Variants in AK9 observed in about 807,000 individuals in gnomAD.
The protein encoded by AK9 is adenylate kinase domain containing 1.
In AK9, 191 loss-of-function variants were observed where a neutral mutation model predicts 239.6. That is an observed-to-expected ratio of 0.80 (90% confidence interval 0.71 to 0.90). AK9 has a LOEUF of 0.90. Among genes scored for constraint, AK9 ranks in the 40% least tolerant of loss-of-function variants. The pLI, the probability that AK9 is intolerant of heterozygous loss-of-function variation, is 0.00. For synonymous variants in AK9, 689 were observed against 721.0 expected, an observed-to-expected ratio of 0.96 and a Z score of 0.71; for missense variants, 1,995 against 2,214.7, an observed-to-expected ratio of 0.90 and a Z score of 1.99.
chr6:109,593,561 CA>C (rs1001917100), intron 17 of AK9, among the ~76,000 whole-genome samples: 8 of 151,438 alleles, frequency 5.3e-5, no homozygotes, highest in East Asian at 3.9e-4. Flanking sequence ...GACGTAACAA[CA>C]AAAAAAAATT....
At chr6:109,524,202 A>G (rs1780173549) in intron 29 of AK9, among the ~76,000 whole-genome samples, 1 of 152,172 alleles carries the variant, frequency 6.6e-6, no homozygotes, top group Non-Finnish European at 1.5e-5. Flanking sequence ...TGGAAATTTT[A>G]GAACTAAAAA....
In AK9 at chr6:109,614,295, C is replaced by T; in HGVS notation, c.1497G>A (p.Gly499=). ...EATHSSIDEE[G]YIQGSQRDRG... ...TGTCCCTTTGGGAGCCTTGAATGTACCCTGCAATGAAAGAATAATATACTT... is the reference window on the plus strand; with the variant it reads ...TGTCCCTTTGGGAGCCTTGAATGTATCCTGCAATGAAAGAATAATATACTT... Residue 499 remains glycine, a splice_region_variant and synonymous_variant, in exon 15 of 41, where the codon GGG becomes GGA. Transcript: ENST00000424296. 3 of 1,551,162 alleles carry T rather than the reference C, an allele frequency of 1.9e-6. No individual in the cohort carries two copies. The highest frequency in any genetic ancestry group is 2.6e-6 in the Non-Finnish European group (3 of 1,146,588).
intron 13 of AK9, among the ~76,000 whole-genome samples, chr6:109,614,894 T>G (rs1445515330): frequency 6.6e-6 from 1 of 152,234 alleles, no homozygotes; most frequent in Non-Finnish European, 1.5e-5. Context: ...TTTAAAATTT[T>G]AAGTAGAGTT....
chr6:109,521,743 G>A (rs754141567), intron 29 of AK9, among the ~76,000 whole-genome samples: 6 of 152,026 alleles, frequency 3.9e-5, no homozygotes, highest in Non-Finnish European at 5.9e-5. Flanking sequence ...CAAGAAACAT[G>A]CACTATTCTA....
chr6:109,519,900 C>G (rs1409842350), intron 29 of AK9, among the ~76,000 whole-genome samples: 3 of 151,552 alleles, frequency 2.0e-5, no homozygotes, highest in Non-Finnish European at 4.4e-5. Context: ...TGTATGTCTT[C>G]TTTTGAAAAG....
At chr6:109,664,001 C>T (rs1020272828) in intron 5 of AK9, among the ~76,000 whole-genome samples, 2 of 152,150 alleles carry the variant, frequency 1.3e-5, no homozygotes, top group African/African-American at 4.8e-5. Flanking sequence ...GTGTGAGAAT[C>T]CAGCTTTCTC....
At chr6:109,634,518 G>C (rs1392971069) in intron 10 of AK9, among the ~76,000 whole-genome samples, 1 of 152,304 alleles carries the variant, frequency 6.6e-6, no homozygotes, top group Non-Finnish European at 1.5e-5. Flanking sequence ...CATGATATAT[G>C]CTTGCTTCAG....
In AK9 at chr6:109,497,396, C is replaced by T. The variant is rs979861545; in HGVS notation, c.5315+69G>A. On this transcript the variant is annotated intron_variant, in intron 38 of 40. Transcript: ENST00000424296. ...CTCTCTCTCTCTCTCACACACTCCT[C>T]TCCCCCGTTCCCAGCATGTTGCATG... 11 of 913,054 alleles carry T rather than the reference C, an allele frequency of 1.2e-5. No homozygotes were observed. The African/African-American group carries it at 1.7e-4, about 14-fold the overall frequency. 56.6% of individuals were successfully genotyped at this position (913,054 alleles called of 1,614,324 possible).
chr6:109,589,108 G>A (rs1789891896), intron 17 of AK9, among the ~76,000 whole-genome samples: 1 of 151,968 alleles, frequency 6.6e-6, no homozygotes, highest in South Asian at 2.1e-4. Context: ...TTCTAATTCT[G>A]TGAAGAATGA....
At chr6:109,586,148 T>C in intron 17 of AK9, 76 bp from the exon 18 acceptor site, 1 of 1,257,802 alleles carries the variant, frequency 8.0e-7, no homozygotes, top group South Asian at 1.9e-5. Context: ...GTAATTTTTG[T>C]GGATCTTAAA....
chr6:109,670,868 A>G (rs1312891797), intron 5 of AK9, among the ~76,000 whole-genome samples: 1 of 152,174 alleles, frequency 6.6e-6, no homozygotes, highest in Non-Finnish European at 1.5e-5. Flanking sequence ...CTGCTGAACA[A>G]ATAGGTAATA....
At chr6:109,579,285 G>A (rs1156378987) in intron 20 of AK9, 1 of 333,210 alleles carries the variant, frequency 3.0e-6, no homozygotes, top group East Asian at 5.4e-5. Context: ...TGTATCACTT[G>A]CAGAGGGTGT....
At chr6:109,562,104 T>C (rs77047606) in intron 24 of AK9, among the ~76,000 whole-genome samples, 4,381 of 152,284 alleles carry the variant, frequency 0.029, 100 homozygotes, top group East Asian at 0.11. Flanking sequence ...TGTGCAAATA[T>C]TCAAGAATCT....
chr6:109,685,089 G>A (rs1263943554), intron 1 of AK9, among the ~76,000 whole-genome samples: 1 of 152,024 alleles, frequency 6.6e-6, no homozygotes, highest in Non-Finnish European at 1.5e-5. Context: ...ACAGATGCTG[G>A]AGGGGATGTG....
At chr6:109,500,488 G>T (rs1247838897) in intron 35 of AK9, among the ~76,000 whole-genome samples, 2 of 152,166 alleles carry the variant, frequency 1.3e-5, no homozygotes, top group Non-Finnish European at 2.9e-5. Context: ...ATTATAGCCA[G>T]TACGTTTTGT....
At chr6:109,529,724 A>C (rs1582858992) in intron 28 of AK9, among the ~76,000 whole-genome samples, 1 of 152,172 alleles carries the variant, frequency 6.6e-6, no homozygotes, top group African/African-American at 2.4e-5. Context: ...TTAGATTCTC[A>C]TGAGTGTGCA....
chr6:109,535,132 G>T (rs1781805718), intron 27 of AK9, among the ~76,000 whole-genome samples: 1 of 152,182 alleles, frequency 6.6e-6, no homozygotes, highest in Non-Finnish European at 1.5e-5. Flanking sequence ...GTAATGGGAT[G>T]GCTGGGTCAA....
rs1000752532 is a variant in AK9, at chr6:109,574,924, G to A, written c.2192-1330C>T. The stretch of plus-strand genomic sequence containing the variant: ...ATTCTTATGCCTTTGTGCCCTCATA[G>A]TTTAGCTCTCACTTATAAGTGAGAA... On this transcript the variant is annotated intron_variant, in intron 20 of 40. Coordinates refer to ENST00000424296, the MANE Select transcript of AK9 (RefSeq NM_001145128.3). Among the ~76,000 whole-genome samples, 6 of 152,076 alleles carry A rather than the reference G, an allele frequency of 3.9e-5. No individual in the cohort carries two copies. In the East Asian group the frequency reaches 1.2e-3, roughly 29 times the overall value.
chr6:109,663,632 G>C (rs995470539), intron 5 of AK9, among the ~76,000 whole-genome samples: 1 of 152,196 alleles, frequency 6.6e-6, no homozygotes, highest in African/African-American at 2.4e-5. Context: ...ATAGTAAAGT[G>C]TGTCAACATT....
Sources: gnomAD v4.1 joint callset for allele counts (sites outside exome capture counted in the v4.1 genomes callset) on GRCh38, gnomAD v4.1.1 for gene constraint, MANE v1.5 for transcripts, NCBI Gene and HGNC (gene_info 2026-07-23, HGNC 2026-07-21) for gene names.